FKBP5: variants seen among roughly 807,000 people sequenced by gnomAD.
The protein encoded by FKBP5 is peptidyl-prolyl cis-trans isomerase FKBP5.
A neutral mutation model predicts 50.5 loss-of-function variants in FKBP5; 23 were observed. The observed-to-expected ratio is 0.46, with a 90% CI of 0.33 to 0.65. FKBP5 has a LOEUF of 0.65. Ranked by LOEUF, FKBP5 falls within the 30% of genes least tolerant of loss-of-function variation. The pLI, the probability that FKBP5 is intolerant of heterozygous loss-of-function variation, is 0.02. For synonymous variants in FKBP5, 176 were observed against 190.6 expected (o/e 0.92, Z 0.63); for missense variants, 411 against 553.1 (o/e 0.74, Z 2.58).
At chr6:35,680,161 T>C (rs1765628989) in intron 1 of FKBP5, among the ~76,000 whole-genome samples, 3 of 150,676 alleles carry the variant, frequency 2.0e-5, no homozygotes. Context: ...CCAGGCACAG[T>C]GGCTTATACC....
At chr6:35,710,541 T>C (rs1766395608) in intron 2 of FKBP5, among the ~76,000 whole-genome samples, 1 of 152,168 alleles carries the variant, frequency 6.6e-6, no homozygotes, top group Non-Finnish European at 1.5e-5. Flanking sequence ...GTTGGAACTG[T>C]CATACTTTGC....
intron 3 of FKBP5, among the ~76,000 whole-genome samples, chr6:35,626,501 G>A (rs999410776): frequency 2.0e-5 from 3 of 151,932 alleles, no homozygotes; most frequent in Non-Finnish European, 4.4e-5. Flanking sequence ...ATTGTGGGGG[G>A]ATAAAAAAAA....
At chr6:35,592,225 T>G (rs1257460988) in intron 6 of FKBP5, among the ~76,000 whole-genome samples, 1 of 152,252 alleles carries the variant, frequency 6.6e-6, no homozygotes, top group Non-Finnish European at 1.5e-5. Flanking sequence ...TTGAAAGATG[T>G]CAAAACCGAC....
intron 5 of FKBP5, among the ~76,000 whole-genome samples, chr6:35,602,662 T>C (rs1763180986): frequency 6.6e-6 from 1 of 151,736 alleles, no homozygotes; most frequent in African/African-American, 2.4e-5. Context: ...ACAAGAGAAA[T>C]ACTTCCAACA....
chr6:35,675,395 C>A (rs1235997266), intron 1 of FKBP5, among the ~76,000 whole-genome samples: 1 of 152,146 alleles, frequency 6.6e-6, no homozygotes, highest in Non-Finnish European at 1.5e-5. Context: ...CATGGTGAAA[C>A]CCCGTCTCTA....
At chr6:35,693,466 T>C (rs914002103), upstream of FKBP5, among the ~76,000 whole-genome samples, 4 of 143,560 alleles carry the variant, frequency 2.8e-5, no homozygotes, top group African/African-American at 7.8e-5. Flanking sequence ...CCCGGCCAGT[T>C]ATTCTACTCT....
At chr6:35,721,433 C>A (rs1476671393) in intron 1 of FKBP5, among the ~76,000 whole-genome samples, 1 of 151,494 alleles carries the variant, frequency 6.6e-6, no homozygotes. Flanking sequence ...ATTTAAAAAA[C>A]ACACATATAC....
At chr6:35,672,068 T>C (rs1351529153) in intron 1 of FKBP5, among the ~76,000 whole-genome samples, 2 of 152,036 alleles carry the variant, frequency 1.3e-5, no homozygotes, top group Non-Finnish European at 2.9e-5. Context: ...CTGGGTTTCA[T>C]TGTGTTAGCC....
Position 35,687,525 on chromosome 6 carries a change from C to T in FKBP5, c.-20+1279G>A, listed in dbSNP as rs3800371. The stretch of plus-strand genomic sequence containing the variant: ...CTTATGGAGGAGGTGGATAGAATCC[C>T]AGACTATTAAAAATACTTAACCAAA... On this transcript the variant is annotated intron_variant, in intron 1 of 10. Coordinates refer to ENST00000357266, the MANE Select transcript of FKBP5 (RefSeq NM_004117.4). 1.3e-3 allele frequency among the ~76,000 whole-genome samples: 196 copies of T among 152,238 alleles called. 2 individuals are homozygous for T. The East Asian group carries it at 0.03, about 23-fold the overall frequency.
chr6:35,585,449 C>G (rs980603543), intron 8 of FKBP5: 7 of 985,080 alleles, frequency 7.1e-6, no homozygotes, highest in Non-Finnish European at 8.4e-6. Context: ...GAAATTCAGG[C>G]TGGAAAGAAA....
intron 1 of FKBP5, among the ~76,000 whole-genome samples, chr6:35,644,689 C>G (rs1764582536): frequency 6.6e-6 from 1 of 152,154 alleles, no homozygotes; most frequent in Admixed American, 6.5e-5. Flanking sequence ...ATGAGGTGAG[C>G]TAGATAATCA....
At chr6:35,620,563 TAAA>T (rs564725729) in intron 3 of FKBP5, among the ~76,000 whole-genome samples, 4 of 122,628 alleles carry the variant, frequency 3.3e-5, no homozygotes, top group Non-Finnish European at 5.3e-5. Context: ...ACCTCATCTC[TAAA>T]AAAAAAAAAA....
At chr6:35,673,873 A>C (rs1323558564) in intron 1 of FKBP5, among the ~76,000 whole-genome samples, 14 of 152,340 alleles carry the variant, frequency 9.2e-5, no homozygotes, top group African/African-American at 2.6e-4. Flanking sequence ...TCACACTGAG[A>C]TGAGAGTATA....
At chr6:35,620,323 G>T (rs539268865) in intron 3 of FKBP5, 49 bp from the exon 4 acceptor site, 16 of 1,568,804 alleles carry the variant, frequency 1.0e-5, no homozygotes, top group African/African-American at 8.2e-5. Context: ...TATTTAAAAA[G>T]ATTTAACTTT....
At chr6:35,679,424 A>T (rs1032470769) in intron 1 of FKBP5, among the ~76,000 whole-genome samples, 4 of 152,272 alleles carry the variant, frequency 2.6e-5, no homozygotes, top group African/African-American at 9.6e-5. Flanking sequence ...GTCATTTCAG[A>T]GAAATATGAA....
intron 2 of FKBP5, among the ~76,000 whole-genome samples, chr6:35,641,313 A>G (rs1194089988): frequency 6.6e-6 from 1 of 152,242 alleles, no homozygotes; most frequent in African/African-American, 2.4e-5. Context: ...TTTTTAAAAA[A>G]TAAGAAGCAC....
intron 1 of FKBP5, among the ~76,000 whole-genome samples, chr6:35,653,994 A>ATAAG (rs1764882893): frequency 6.6e-6 from 1 of 152,210 alleles, no homozygotes; most frequent in East Asian, 1.9e-4. Flanking sequence ...GGCTGTGTGT[A>ATAAG]TAAGTACATG....
chr6:35,626,190 A>G (rs909007529), intron 3 of FKBP5, among the ~76,000 whole-genome samples: 1 of 152,192 alleles, frequency 6.6e-6, no homozygotes, highest in Non-Finnish European at 1.5e-5. Context: ...ACAAGAATAT[A>G]TATGTATACA....
At chr6:35,704,970 T>C (rs901937673) in intron 2 of FKBP5, among the ~76,000 whole-genome samples, 2 of 151,082 alleles carry the variant, frequency 1.3e-5, no homozygotes, top group African/African-American at 2.4e-5. Flanking sequence ...TGAAACCCCA[T>C]CTCTACTAAA....
Sources: allele counts gnomAD v4.1 joint callset (sites outside exome capture counted in the v4.1 genomes callset), GRCh38; gene constraint gnomAD v4.1.1; transcripts MANE v1.5; gene names NCBI Gene and HGNC (gene_info 2026-07-23, HGNC 2026-07-21).